Variants in ETV6 observed in about 807,000 individuals in gnomAD.
ETV6 encodes ETS variant transcription factor 6, also known as transcription factor ETV6.
A neutral mutation model predicts 51.1 loss-of-function variants in ETV6; 16 were observed. That is an observed-to-expected ratio of 0.31 (90% CI 0.21 to 0.48). The LOEUF (loss-of-function observed/expected upper bound fraction) is 0.48, where lower values mean the gene tolerates loss of function less well. ETV6 is among the 20% of genes least tolerant of loss of function. The pLI is 0.99. For missense variants in ETV6, 458 were observed against 594.8 expected, an observed-to-expected ratio of 0.77 and a Z score of 2.39; for synonymous variants, 240 against 224.1, an observed-to-expected ratio of 1.07 and a Z score of -0.64.
chr12:11,860,810 T>C (rs1249360198), intron 4 of ETV6, among the ~76,000 whole-genome samples: 1 of 152,168 alleles, frequency 6.6e-6, no homozygotes, highest in Admixed American at 6.6e-5. Context: ...GTGCAGTTGG[T>C]TTTTCCTTCC....
At chr12:11,727,763 C>T (rs563381536) in intron 1 of ETV6, among the ~76,000 whole-genome samples, 91 of 152,318 alleles carry the variant, frequency 6.0e-4, no homozygotes, top group African/African-American at 2.0e-3. Flanking sequence ...CTGGTGGCTC[C>T]ATGACAGGAG....
At chr12:11,715,300 G>C (rs1196474183) in intron 1 of ETV6, among the ~76,000 whole-genome samples, 1 of 151,978 alleles carries the variant, frequency 6.6e-6, no homozygotes, top group Non-Finnish European at 1.5e-5. Context: ...TATTTATTTT[G>C]ACTGCTTTAT....
At chr12:11,693,997 A>C (rs890441145) in intron 1 of ETV6, among the ~76,000 whole-genome samples, 41 of 152,196 alleles carry the variant, frequency 2.7e-4, no homozygotes, top group African/African-American at 9.2e-4. Context: ...ATACACAAAC[A>C]CACATGCTTG....
intron 1 of ETV6, among the ~76,000 whole-genome samples, chr12:11,696,397 A>T (rs1232378327): frequency 6.6e-6 from 1 of 152,226 alleles, no homozygotes. Flanking sequence ...ACCATTCTGT[A>T]CTTCAGTTTT....
At chr12:11,865,376 C>T (rs898885484) in intron 4 of ETV6, among the ~76,000 whole-genome samples, 14 of 151,556 alleles carry the variant, frequency 9.2e-5, no homozygotes, top group African/African-American at 1.5e-4. Flanking sequence ...TGCTAGTGTT[C>T]ACTTTTTGCC....
At chr12:11,754,271 A>C (rs3782135) in intron 2 of ETV6, among the ~76,000 whole-genome samples, 16,022 of 152,252 alleles carry the variant, frequency 0.11, 1,201 homozygotes, top group East Asian at 0.31. Context: ...ACAAAGCAGA[A>C]AAAACTCCCC....
At chr12:11,868,970 C>T (rs892361705) in intron 4 of ETV6, among the ~76,000 whole-genome samples, 3 of 152,164 alleles carry the variant, frequency 2.0e-5, no homozygotes, top group African/African-American at 7.2e-5. Flanking sequence ...GGCGCGGTGG[C>T]TCACGCCTGT....
chr12:11,817,434 A>C (rs1946009533), intron 2 of ETV6, among the ~76,000 whole-genome samples: 1 of 152,208 alleles, frequency 6.6e-6, no homozygotes, highest in African/African-American at 2.4e-5. Context: ...TGTCTCTAAG[A>C]TGCCAAACAG....
chr12:11,853,455 T>G lies in ETV6; in HGVS notation c.357T>G (p.His119Gln). The stretch of plus-strand genomic sequence containing the variant: ...ATGTGCTCTATGAACTCCTTCAGCA[T>G]ATTCTGAAGCAGAGGAAACCTCGGA... ...SGDVLYELLQ[H>Q]ILKQRKPRIL... The change falls in exon 4 of 8, where the codon CAT (histidine) becomes CAG (glutamine). Residue 119 changes from histidine to glutamine, a missense_variant. This residue lies in a region of ETV6 where 293 missense variants were observed against 315.7 expected (regional missense o/e 0.93). Transcript: ENST00000396373. 1 of 1,614,234 alleles carries G rather than the reference T, an allele frequency of 6.2e-7. No homozygotes were observed. The highest frequency in any genetic ancestry group is 8.5e-7 in the Non-Finnish European group (1 of 1,180,032).
At chr12:11,713,980 T>A (rs4763718) in intron 1 of ETV6, among the ~76,000 whole-genome samples, 39,856 of 152,132 alleles carry the variant, frequency 0.26, 6,592 homozygotes, top group Admixed American at 0.4. Context: ...ACTGGTGGCA[T>A]CAGCATCACC....
chr12:11,650,504 A>AAAAAAAAAAAAAAAAAAAAC (rs1555109540), intron 1 of ETV6, among the ~76,000 whole-genome samples: 7 of 94,234 alleles, frequency 7.4e-5, no homozygotes, highest in Non-Finnish European at 9.9e-5. Flanking sequence ...AACAAAAAAC[A>AAAAAAAAAAAAAAAAAAAAC]AAAAAAAAAA....
At chr12:11,788,418 T>A (rs548396746) in intron 2 of ETV6, among the ~76,000 whole-genome samples, 2 of 152,164 alleles carry the variant, frequency 1.3e-5, no homozygotes, top group Non-Finnish European at 2.9e-5. Context: ...CTAGGAAGTA[T>A]AGCAATGTCA....
chr12:11,816,736 TGG>T (rs1946000235), intron 2 of ETV6, among the ~76,000 whole-genome samples: 1 of 152,126 alleles, frequency 6.6e-6, no homozygotes, highest in African/African-American at 2.4e-5. Context: ...AGCCAAAGGA[TGG>T]TGGGGGCACC....
At chr12:11,714,246 G>T (rs1383044937) in intron 1 of ETV6, among the ~76,000 whole-genome samples, 1 of 152,200 alleles carries the variant, frequency 6.6e-6, no homozygotes, top group Non-Finnish European at 1.5e-5. Context: ...AGGGAAGACA[G>T]AAAGAAAACA....
chr12:11,869,396 T>A lies in ETV6; in HGVS notation c.464-28T>A, dbSNP rs1253379811. 6.3e-7 allele frequency: 1 copy of A among 1,578,066 alleles called. No individual in the cohort carries two copies. The highest frequency in any genetic ancestry group is 8.6e-7 in the Non-Finnish European group (1 of 1,160,838). On this transcript the variant is annotated intron_variant, in intron 4 of 7. Transcript: ENST00000396373. The surrounding 1 kb of genome is among the most constrained non-coding windows in gnomAD (Gnocchi z 5.0). Reference sequence around the variant, plus strand: ...CCTGTCCTGCCAACTCACTGGGGTCTGTGATTGTCTTTCCCTCTGCTCCAC... The same window carrying A: ...CCTGTCCTGCCAACTCACTGGGGTCAGTGATTGTCTTTCCCTCTGCTCCAC...
Position 11,890,045 on chromosome 12 carries a change from A to T in ETV6, c.1254-896A>T, listed in dbSNP as rs180740605. Among the ~76,000 whole-genome samples the T allele has an allele frequency of 2.1e-3, 312 of 151,074 alleles. 1 individual carries two copies. The highest frequency in any genetic ancestry group is 6.9e-3 in the African/African-American group (283 of 41,142). ...AACAGGAAGATGAGGCTTGCTGTAC[A>T]CCCCAGTTGCAAAGGTAGACAGACT... On this transcript the variant is annotated intron_variant, in intron 7 of 7. Coordinates refer to ENST00000396373, the MANE Select transcript of ETV6 (RefSeq NM_001987.5).
intron 4 of ETV6, among the ~76,000 whole-genome samples, chr12:11,868,641 T>TAAG (rs1400467967): frequency 2.6e-5 from 4 of 151,724 alleles, no homozygotes; most frequent in Admixed American, 6.6e-5. Flanking sequence ...ATCCAGCATC[T>TAAG]AAGATATAGT....
chr12:11,752,348 C>T (rs529749208), intron 1 of ETV6, 102 bp from the exon 2 acceptor site: 3 of 1,280,362 alleles, frequency 2.3e-6, no homozygotes, highest in African/African-American at 1.5e-5. Flanking sequence ...TGCCCATGCC[C>T]CGCCTCCCTT....
intron 1 of ETV6, among the ~76,000 whole-genome samples, chr12:11,669,820 C>T (rs1864278118): frequency 1.3e-5 from 2 of 152,070 alleles, no homozygotes; most frequent in East Asian, 1.9e-4. Flanking sequence ...AAATAGAAAC[C>T]GTCGCCACCA....
Sources: gnomAD v4.1 joint callset for allele counts (sites outside exome capture counted in the v4.1 genomes callset) on GRCh38, gnomAD v4.1.1 for gene constraint, gnomAD v4.1.1 regional missense constraint, Gnocchi (gnomAD v3.1) non-coding constraint, MANE v1.5 for transcripts, NCBI Gene and HGNC (gene_info 2026-07-23, HGNC 2026-07-21) for gene names.